PRKAR1B: variants seen among roughly 807,000 people sequenced by gnomAD.
PRKAR1B encodes the protein protein kinase cAMP-dependent type I regulatory subunit beta, also known as cAMP-dependent protein kinase type I-beta regulatory subunit.
A neutral mutation model predicts 46.5 loss-of-function variants in PRKAR1B; 22 were observed. The observed-to-expected ratio is 0.47, with a 90% confidence interval of 0.34 to 0.68. The LOEUF (loss-of-function observed/expected upper bound fraction) is 0.68. Among genes scored for constraint, PRKAR1B ranks in the 30% least tolerant of loss-of-function variants. PRKAR1B has a pLI of 0.01. For synonymous variants in PRKAR1B, 259 were observed against 217.7 expected, an observed-to-expected ratio of 1.19 and a Z score of -1.67; for missense variants, 445 against 535.6, an observed-to-expected ratio of 0.83 and a Z score of 1.67.
intron 2 of PRKAR1B, among the ~76,000 whole-genome samples, chr7:682,841 T>G (rs1778770745): frequency 6.6e-6 from 1 of 152,116 alleles, no homozygotes; most frequent in Non-Finnish European, 1.5e-5. Flanking sequence ...TCACATGACC[T>G]GAGTGTTCAC....
chr7:582,576 G>A (rs750874365), intron 8 of PRKAR1B, among the ~76,000 whole-genome samples: 2 of 152,262 alleles, frequency 1.3e-5, no homozygotes, highest in Non-Finnish European at 1.5e-5. Flanking sequence ...CGGAGGCCAC[G>A]CGGCCAGGGC....
chr7:678,333 A>G (rs1341985704), intron 3 of PRKAR1B, among the ~76,000 whole-genome samples: 2 of 152,238 alleles, frequency 1.3e-5, no homozygotes, highest in African/African-American at 4.8e-5. Flanking sequence ...TGGTATCATA[A>G]TCTTACGGAA....
intron 4 of PRKAR1B, among the ~76,000 whole-genome samples, chr7:658,691 C>T (rs1785339759): frequency 6.6e-6 from 1 of 152,084 alleles, no homozygotes; most frequent in African/African-American, 2.4e-5. Flanking sequence ...TACTCTGTTG[C>T]CCAGGCTGGA....
chr7:689,687 A>G (rs1160106585), intron 2 of PRKAR1B, among the ~76,000 whole-genome samples: 5 of 141,266 alleles, frequency 3.5e-5, no homozygotes. Context: ...CAAAGAGAAG[A>G]CTTTTTTTTT....
intron 2 of PRKAR1B, among the ~76,000 whole-genome samples, chr7:688,226 C>T (rs1430606279): frequency 6.6e-6 from 1 of 151,640 alleles, no homozygotes. Flanking sequence ...CATGGCAAAA[C>T]CCCATCTCTA....
At chr7:574,016 G>A (rs900564876) in intron 9 of PRKAR1B, among the ~76,000 whole-genome samples, 7 of 152,344 alleles carry the variant, frequency 4.6e-5, no homozygotes, top group Middle Eastern at 6.8e-3. Context: ...CGCGCGACTC[G>A]GTGATGCCAT....
In PRKAR1B at chr7:606,157, C is replaced by T. The variant is rs376463705; in HGVS notation, c.549+36G>A. 1.3e-4 allele frequency: 213 copies of T among 1,609,802 alleles called. 2 individuals carry two copies. Among genetic ancestry groups the T allele is most frequent in the South Asian group, 1.0e-3 (93 of 90,916 alleles). On this transcript the variant is annotated intron_variant, in intron 6 of 10. Transcript: ENST00000537384. ...AGTCTTCACACCGGACATGCAAAGACGCGCTATTTTCCAAAGACAAGTTAG... is the reference window on the plus strand; with the variant it reads ...AGTCTTCACACCGGACATGCAAAGATGCGCTATTTTCCAAAGACAAGTTAG...
At position 549,716 on chromosome 7, in the gene PRKAR1B, C is replaced by T. The variant is rs1784053809; in HGVS notation, c.*714G>A. On this transcript the variant is annotated 3_prime_UTR_variant, in exon 11 of 11. Transcript: ENST00000537384. Reference sequence around the variant, plus strand: ...AGCCCCTCCCAAAGGAACTTCGAGCCCGGCCCCCCCTACTGGGGTCTACCT... The same window carrying T: ...AGCCCCTCCCAAAGGAACTTCGAGCTCGGCCCCCCCTACTGGGGTCTACCT... 1 of 152,088 alleles carries T rather than the reference C, an allele frequency of 6.6e-6. No homozygotes were observed. The highest frequency in any genetic ancestry group is 2.4e-5 in the African/African-American group (1 of 41,332). 9.4% of individuals were successfully genotyped at this position (152,088 alleles called of 1,614,324 possible).
rs113871625 is a variant in PRKAR1B at position 721,315 on chromosome 7, T to A, written c.-23+5895A>T. Among the ~76,000 whole-genome samples, 237 of 152,304 alleles carry A rather than the reference T, an allele frequency of 1.6e-3. 1 individual carries two copies. Among genetic ancestry groups the A allele is most frequent in the African/African-American group, 5.5e-3 (227 of 41,562 alleles). ...ACTTCTATTTTTATCCAGTCCATTG[T>A]CTCAACTTTCTGGAGGCCCCAGCCC... On this transcript the variant is annotated intron_variant, in intron 1 of 10. Transcript: ENST00000537384.
At chr7:597,302 GA>G (rs1281016342) in intron 6 of PRKAR1B, among the ~76,000 whole-genome samples, 3 of 152,242 alleles carry the variant, frequency 2.0e-5, no homozygotes, top group African/African-American at 7.2e-5. Context: ...CTATCTGAAA[GA>G]AAAGGCCACG....
chr7:722,093 A>G (rs1781093506), intron 1 of PRKAR1B, among the ~76,000 whole-genome samples: 1 of 132,436 alleles, frequency 7.6e-6, no homozygotes. Flanking sequence ...GGGAGTTTTC[A>G]GCCTTTTTTT....
chr7:638,027 C>A (rs1264782363), intron 4 of PRKAR1B, among the ~76,000 whole-genome samples: 2 of 152,180 alleles, frequency 1.3e-5, no homozygotes, highest in African/African-American at 4.8e-5. Context: ...TCTCATCCTG[C>A]CCCGCCGGCG....
intron 4 of PRKAR1B, among the ~76,000 whole-genome samples, chr7:672,539 G>C (rs1786319880): frequency 6.6e-6 from 1 of 151,700 alleles, no homozygotes; most frequent in Non-Finnish European, 1.5e-5. Flanking sequence ...GCCAGAAAAA[G>C]AAAACGTTGG....
At chr7:669,674 G>T (rs1264002818) in intron 4 of PRKAR1B, among the ~76,000 whole-genome samples, 1 of 151,598 alleles carries the variant, frequency 6.6e-6, no homozygotes, top group African/African-American at 2.4e-5. Flanking sequence ...TGAGGCAGGA[G>T]AATCACTTGA....
chr7:707,299 CCT>C (rs1389184273), intron 2 of PRKAR1B, among the ~76,000 whole-genome samples: 1 of 152,216 alleles, frequency 6.6e-6, no homozygotes, highest in African/African-American at 2.4e-5. Flanking sequence ...GCAATCGTGC[CCT>C]GAGACGCCAC....
chr7:716,736 T>G (rs1278148769), intron 1 of PRKAR1B: 1 of 152,236 alleles, frequency 6.6e-6, no homozygotes, highest in African/African-American at 2.4e-5. Flanking sequence ...CTGGGGAGGC[T>G]GCAGCATGTC....
chr7:634,904 T>C (rs1783961241), intron 4 of PRKAR1B, among the ~76,000 whole-genome samples: 1 of 152,164 alleles, frequency 6.6e-6, no homozygotes, highest in African/African-American at 2.4e-5. Flanking sequence ...CCTCCCAAAG[T>C]GCTGGGATCA....
At chr7:557,204 G>C (rs1778501265) in intron 9 of PRKAR1B, among the ~76,000 whole-genome samples, 2 of 152,206 alleles carry the variant, frequency 1.3e-5, no homozygotes, top group South Asian at 4.1e-4. Flanking sequence ...GAGGGAAAGA[G>C]GCAGGACCCT....
At chr7:574,770 T>C (rs912238859) in intron 9 of PRKAR1B, among the ~76,000 whole-genome samples, 2 of 152,208 alleles carry the variant, frequency 1.3e-5, no homozygotes, top group Admixed American at 6.5e-5. Flanking sequence ...ATGTGAAATC[T>C]CCTGACTATA....
Sources: allele counts gnomAD v4.1 joint callset (sites outside exome capture counted in the v4.1 genomes callset), GRCh38; gene constraint gnomAD v4.1.1; transcripts MANE v1.5; gene names NCBI Gene and HGNC (gene_info 2026-07-23, HGNC 2026-07-21).